The following COX7A2 variants were observed in gnomAD, a reference collection of about 807,000 sequenced individuals.
COX7A2 encodes the protein cytochrome c oxidase subunit 7A2, mitochondrial.
Under a neutral mutation model 11.6 loss-of-function variants are expected in COX7A2, and 11 were observed. The observed-to-expected ratio is 0.95, with a 90% CI of 0.60 to 1.57. The LOEUF (loss-of-function observed/expected upper bound fraction) is 1.57. Among genes scored for constraint, COX7A2 ranks in the 40% most tolerant of loss-of-function variants. The pLI is 0.00. For synonymous variants in COX7A2, 30 were observed against 38.2 expected (o/e 0.78, Z 0.79); for missense variants, 106 against 100.9 (o/e 1.05, Z -0.22).
intron 2 of COX7A2, 98 bp downstream of exon 2, chr6:75,241,078 C>T: frequency 7.1e-7 from 1 of 1,418,096 alleles, no homozygotes; most frequent in Non-Finnish European, 9.6e-7. Context: ...TTTATATTGT[C>T]ATATGATCTA....
chr6:75,249,137 T>G (rs1771741632), intron 1 of COX7A2, among the ~76,000 whole-genome samples: 1 of 152,156 alleles, frequency 6.6e-6, no homozygotes. Flanking sequence ...CTCGGGAGGC[T>G]GAGGCAGGAG....
intron 1 of COX7A2, among the ~76,000 whole-genome samples, chr6:75,242,092 C>T (rs1335662199): frequency 6.8e-6 from 1 of 148,070 alleles, no homozygotes; most frequent in African/African-American, 2.5e-5. Flanking sequence ...CCCAGCTAAT[C>T]GGGAGGCTAA....
upstream of COX7A2, among the ~76,000 whole-genome samples, chr6:75,248,663 G>A (rs1771729470): frequency 1.3e-5 from 2 of 152,116 alleles, no homozygotes; most frequent in Admixed American, 1.3e-4. Flanking sequence ...ACTCATATTT[G>A]GCTCAGAATA....
At chr6:75,246,667 T>C (rs1037170979), upstream of COX7A2, among the ~76,000 whole-genome samples, 1 of 152,216 alleles carries the variant, frequency 6.6e-6, no homozygotes, top group Non-Finnish European at 1.5e-5. Flanking sequence ...GAATGAACTG[T>C]ATCCTGCACA....
At chr6:75,243,650 C>G in intron 1 of COX7A2, 67 bp downstream of exon 1, 1 of 1,492,000 alleles carries the variant, frequency 6.7e-7, no homozygotes, top group Non-Finnish European at 9.3e-7. Context: ...GGTTTTCTGT[C>G]GTGGTGCCTC....
upstream of COX7A2, chr6:75,243,808 A>C (rs753041676): frequency 6.2e-7 from 1 of 1,613,924 alleles, no homozygotes; most frequent in Non-Finnish European, 8.5e-7. Flanking sequence ...AACCGGAACT[A>C]CCTCCGAGTC....
intron 1 of COX7A2, among the ~76,000 whole-genome samples, chr6:75,241,532 T>C (rs529928435): frequency 6.6e-6 from 1 of 152,342 alleles, no homozygotes; most frequent in Admixed American, 6.5e-5. Context: ...GATCTCTACC[T>C]GAACAGAACC....
upstream of COX7A2, chr6:75,243,913 C>T (rs569782977): frequency 1.3e-4 from 162 of 1,234,418 alleles, 3 homozygotes; most frequent in South Asian, 2.1e-3. Context: ...AGCGGCAGTA[C>T]GGCTCTATCC....
chr6:75,243,932 C>G, upstream of COX7A2: 1 of 1,038,982 alleles, frequency 9.6e-7, no homozygotes, highest in South Asian at 1.5e-5. Flanking sequence ...CCGCTCTAGC[C>G]GGCTCGCCGT....
chr6:75,237,820 T>C lies in COX7A2; in HGVS notation c.*110A>G, dbSNP rs1166119203. 2.9e-6 allele frequency: 2 copies of C among 690,446 alleles called. No homozygotes were observed. The highest frequency in any genetic ancestry group is 1.7e-5 in the African/African-American group (1 of 57,184). The allele number at this position is 690,446 out of a possible 1,614,324, so 42.8% of individuals were successfully genotyped here. On this transcript the variant is annotated 3_prime_UTR_variant, in exon 4 of 4. Coordinates refer to ENST00000684430, the MANE Select transcript of COX7A2 (RefSeq NM_001366293.2). ...AGACTGCTTTATTGGTGGCAGTTAC[T>C]ACAAGTCAATAAATATTGATCCCCA...
upstream of COX7A2, among the ~76,000 whole-genome samples, chr6:75,248,184 G>C (rs1451379196): frequency 3.9e-4 from 2 of 5,106 alleles, 1 homozygote; most frequent in Non-Finnish European, 1.3e-3. Context: ...CGCCTCCCGG[G>C]TTCACGCCAT....
chr6:75,243,776 C>G lies in COX7A2; in HGVS notation c.-42G>C. ...CAGCAACCGCCACAACTGAACACCACCAACGAAAATGGCCACGCCGGAACC... is the reference window on the plus strand; with the variant it reads ...CAGCAACCGCCACAACTGAACACCAGCAACGAAAATGGCCACGCCGGAACC... On this transcript the variant is annotated 5_prime_UTR_variant, in exon 1 of 4. Coordinates refer to ENST00000684430, the MANE Select transcript of COX7A2 (RefSeq NM_001366293.2). The G allele has an allele frequency of 6.2e-7, 1 of 1,614,156 alleles. No individual in the cohort carries two copies. Among genetic ancestry groups the G allele is most frequent in the Non-Finnish European group, 8.5e-7 (1 of 1,179,996 alleles).
intron 1 of COX7A2, among the ~76,000 whole-genome samples, chr6:75,249,251 A>G (rs1026214216): frequency 6.6e-6 from 1 of 152,188 alleles, no homozygotes; most frequent in African/African-American, 2.4e-5. Flanking sequence ...ACAAAAGACA[A>G]TTTTGGCAAG....
chr6:75,240,364 A>G lies in COX7A2; in HGVS notation c.130T>C (p.Tyr44His), dbSNP rs1771458505. The change falls in exon 3 of 4, where the codon TAT becomes CAT. Residue 44 changes from tyrosine to histidine, a missense_variant. Physicochemically the swap from Tyr to His is moderately conservative, Grantham distance 83 (BLOSUM62 2). Coordinates refer to ENST00000684430, the MANE Select transcript of COX7A2 (RefSeq NM_001366293.2). ...GCATCAGCTACCCCACCCTTTAGAT[A>G]CAGTGGAATTTCATCATCCTCCTAG... ...LFQEDDEIPL[Y>H]LKGGVADALL... 1 of 1,592,528 alleles carries G rather than the reference A, an allele frequency of 6.3e-7. No homozygotes were observed. The highest frequency in any genetic ancestry group is 8.5e-7 in the Non-Finnish European group (1 of 1,172,858).
chr6:75,241,325 T>C, intron 1 of COX7A2, 60 bp from the exon 2 acceptor site: 2 of 1,358,016 alleles, frequency 1.5e-6, no homozygotes, highest in Non-Finnish European at 2.0e-6. Context: ...AAACCAACTA[T>C]TTTCAGTCGT....
intron 1 of COX7A2, 114 bp downstream of exon 1, chr6:75,243,589 CACGAATCAAGGTGA>C: frequency 3.8e-6 from 3 of 797,992 alleles, no homozygotes; most frequent in Non-Finnish European, 4.2e-6. Flanking sequence ...GGAAAAAGGA[CACGAATCAAGGTGA>C]CTTCATTAGC....
At chr6:75,246,099 C>T (rs1771676131), upstream of COX7A2, among the ~76,000 whole-genome samples, 1 of 152,176 alleles carries the variant, frequency 6.6e-6, no homozygotes, top group African/African-American at 2.4e-5. Flanking sequence ...CTCCCACTTC[C>T]TGTAGATTGT....
chr6:75,245,784 T>C (rs1243688002), upstream of COX7A2, among the ~76,000 whole-genome samples: 1 of 152,226 alleles, frequency 6.6e-6, no homozygotes, highest in Non-Finnish European at 1.5e-5. Flanking sequence ...CTAAATAAAC[T>C]GTCAATCTCA....
At chr6:75,240,500 G>A (rs962808275) in intron 2 of COX7A2, 115 bp from the exon 3 acceptor site, 97 of 622,650 alleles carry the variant, frequency 1.6e-4, no homozygotes, top group Non-Finnish European at 2.3e-4. Flanking sequence ...TAGAATTAAA[G>A]TATTTTAAGT....
Sources: gnomAD v4.1 joint callset for allele counts (sites outside exome capture counted in the v4.1 genomes callset) on GRCh38, gnomAD v4.1.1 for gene constraint, MANE v1.5 for transcripts, NCBI Gene and HGNC (gene_info 2026-07-23, HGNC 2026-07-21) for gene names.